The following ZNF235 variants were observed in gnomAD, a reference collection of about 807,000 sequenced individuals.
ZNF235 encodes the protein zinc finger protein 235.
Under a neutral mutation model 29.4 loss-of-function variants are expected in ZNF235, and 25 were observed. That is an observed-to-expected ratio of 0.85 (90% confidence interval 0.62 to 1.19). The LOEUF (loss-of-function observed/expected upper bound fraction) is 1.19. Ranked by LOEUF, ZNF235 falls within the 50% of genes most tolerant of loss-of-function variation. The pLI, the probability that ZNF235 is intolerant of heterozygous loss-of-function variation, is 0.00. For missense variants in ZNF235, 788 were observed against 885.0 expected (o/e 0.89, Z 1.39); for synonymous variants, 300 against 295.3 (o/e 1.02, Z -0.16).
At chr19:44,296,485 T>C (rs1975656082) in intron 4 of ZNF235, among the ~76,000 whole-genome samples, 1 of 152,208 alleles carries the variant, frequency 6.6e-6, no homozygotes, top group South Asian at 2.1e-4. Flanking sequence ...CTGAACTGAA[T>C]GGTGGGATTA....
In ZNF235 at chr19:44,287,634, A is replaced by G. The variant is rs1299751201; in HGVS notation, c.1801T>C (p.Cys601Arg). The change falls in exon 5 of 5, where the codon TGT (cysteine) becomes CGT (arginine). Residue 601 changes from cysteine to arginine, a missense_variant. Physicochemically the swap from Cys to Arg is radical, Grantham distance 180. Coordinates refer to ENST00000291182, the MANE Select transcript of ZNF235 (RefSeq NM_004234.4). Reference protein sequence around the residue: ...SVHTGEKPFKCDACQKRFSQA... With the variant: ...SVHTGEKPFKRDACQKRFSQA... ...CTGAATCGCTTCTGACATGCATCAC[A>G]CTTGAATGGTTTTTCCCCAGTGTGG... The G allele has an allele frequency of 1.2e-6, 2 of 1,613,910 alleles. No homozygotes were observed. The highest frequency in any genetic ancestry group is 1.3e-5 in the African/African-American group (1 of 74,988).
At chr19:44,297,579 T>G (rs1161713673) in intron 4 of ZNF235, among the ~76,000 whole-genome samples, 11 of 152,104 alleles carry the variant, frequency 7.2e-5, no homozygotes, top group Admixed American at 7.2e-4. Flanking sequence ...TTCTCCTGCC[T>G]CAGCCTCCCG....
chr19:44,299,850 G>T (rs1975709953), intron 2 of ZNF235, 118 bp from the exon 3 acceptor site: 2 of 1,526,348 alleles, frequency 1.3e-6, no homozygotes, highest in South Asian at 2.3e-5. Context: ...AAATGCTAGG[G>T]GGAAGAAGGA....
intron 2 of ZNF235, among the ~76,000 whole-genome samples, chr19:44,300,188 G>A (rs1568646565): frequency 6.6e-6 from 1 of 151,944 alleles, no homozygotes; most frequent in South Asian, 2.1e-4. Context: ...ACATTCCAAG[G>A]GTCTATCCAT....
chr19:44,303,510 CT>C, intron 1 of ZNF235, 58 bp from the exon 2 acceptor site: 1 of 1,480,578 alleles, frequency 6.8e-7, no homozygotes, highest in Non-Finnish European at 9.3e-7. Flanking sequence ...CACCATGGCA[CT>C]TTTATGTGAC....
Position 44,287,865 on chromosome 19 carries a change from A to T in ZNF235, c.1570T>A (p.Phe524Ile). The T allele has an allele frequency of 2.5e-6, 4 of 1,613,918 alleles. No individual in the cohort carries two copies. The highest frequency in any genetic ancestry group is 2.5e-6 in the Non-Finnish European group (3 of 1,179,962). Residue 524 changes from phenylalanine to isoleucine, a missense_variant, in exon 5 of 5, where the codon TTC (phenylalanine) becomes ATC (isoleucine). Coordinates refer to ENST00000291182, the MANE Select transcript of ZNF235 (RefSeq NM_004234.4). ...GCTTGAAAGTATGAACTCTGACTGA[A>T]GCCTTTCCCACACACGTTGCATCGA... ...PFRCNVCGKG[F>I]SQSSYFQAHQ...
At position 44,288,979 on chromosome 19, in the gene ZNF235, A is replaced by T; in HGVS notation, c.456T>A (p.Ser152=). 3 of 1,613,954 alleles carry T rather than the reference A, an allele frequency of 1.9e-6. No homozygotes were observed. Among genetic ancestry groups the T allele is most frequent in the Non-Finnish European group, 2.5e-6 (3 of 1,179,838 alleles). ...GATTCACTAGACAGTTGTCATCCAC[A>T]GAAGCTTGAATAGATTCTCCTGCTC... The part of the protein sequence containing the change: ...QVGAGESIQA[S]VDDNCLVNHI... Residue 152 remains serine (S), a synonymous_variant, in exon 5 of 5, where the codon TCT becomes TCA. Coordinates refer to ENST00000291182, the MANE Select transcript of ZNF235 (RefSeq NM_004234.4).
intron 1 of ZNF235, among the ~76,000 whole-genome samples, chr19:44,304,260 T>C (rs1975797934): frequency 6.6e-6 from 1 of 152,246 alleles, no homozygotes; most frequent in Non-Finnish European, 1.5e-5. Context: ...CACACGGGAT[T>C]ATTGGTTATA....
chr19:44,287,564 T>C lies in ZNF235; in HGVS notation c.1871A>G (p.Glu624Gly). 1.2e-6 allele frequency: 2 copies of C among 1,614,134 alleles called. No homozygotes were observed. The highest frequency in any genetic ancestry group is 1.7e-6 in the Non-Finnish European group (2 of 1,180,010). ...ACAAGTGTCACATTTATATGGTTTC[T>C]CTCCGGTGTGGACTCTCTGATGGGC... ...LQAHQRVHTG[E>G]KPYKCDTCGK... Residue 624 changes from glutamate to glycine, a missense_variant, in exon 5 of 5, where the codon GAG becomes GGG. Transcript: ENST00000291182.
At chr19:44,297,608 C>T (rs1975671279) in intron 4 of ZNF235, among the ~76,000 whole-genome samples, 1 of 152,044 alleles carries the variant, frequency 6.6e-6, no homozygotes. Context: ...GGATTACAGG[C>T]ATGTGCCACC....
chr19:44,287,167 C>T lies in ZNF235; in HGVS notation c.*51G>A, dbSNP rs370378759. The T allele has an allele frequency of 2.8e-5, 43 of 1,509,530 alleles. No homozygotes were observed. The highest frequency in any genetic ancestry group is 1.5e-4 in the South Asian group (11 of 72,766). 93.5% of individuals were successfully genotyped at this position (1,509,530 alleles called of 1,614,324 possible). A position where few individuals can be genotyped will look rare whatever the true frequency, so the allele number is the denominator to read the frequency against. On this transcript the variant is annotated 3_prime_UTR_variant, in exon 5 of 5. Transcript: ENST00000291182. ...ACAATCATCAGCATGGACTTCCCAACGGAGACAAAGATGTGAGCTCTAACT... is the reference window on the plus strand; with the variant it reads ...ACAATCATCAGCATGGACTTCCCAATGGAGACAAAGATGTGAGCTCTAACT...
intron 4 of ZNF235, 149 bp downstream of exon 4, chr19:44,298,659 G>A: frequency 1.7e-6 from 1 of 585,340 alleles, no homozygotes; most frequent in Non-Finnish European, 3.0e-6. Flanking sequence ...GCCTCCCAAA[G>A]TGCTGGGATT....
rs551239668 is a variant in ZNF235 at position 44,298,239 on chromosome 19, A to G, written c.238+569T>C. Among the ~76,000 whole-genome samples the G allele has an allele frequency of 1.5e-4, 23 of 152,322 alleles. No homozygotes were observed. The South Asian group carries it at 4.8e-3, about 32-fold the overall frequency. ...TGAGGAACAAGTGAGGGTGGCAGAGACAAAGGGAGGGGGAAAAACAGAATG... is the reference window on the plus strand; with the variant it reads ...TGAGGAACAAGTGAGGGTGGCAGAGGCAAAGGGAGGGGGAAAAACAGAATG... On this transcript the variant is annotated intron_variant, in intron 4 of 4. Coordinates refer to ENST00000291182, the MANE Select transcript of ZNF235 (RefSeq NM_004234.4).
In ZNF235 at chr19:44,288,005, T is replaced by C. The variant is rs886127861; in HGVS notation, c.1430A>G (p.His477Arg). The C allele has an allele frequency of 1.5e-5, 25 of 1,614,156 alleles. No homozygotes were observed. The highest frequency in any genetic ancestry group is 2.0e-5 in the Non-Finnish European group (24 of 1,180,016). The stretch of plus-strand genomic sequence containing the variant: ...TTTTTCTCCTGTGTGGACTCGTTGA[T>C]GACTATGAAGATTAAAGCTCAAACT... ...CFSLSFNLHSHQRVHTGEKPY... is the reference protein window; with the variant it reads ...CFSLSFNLHSRQRVHTGEKPY... Residue 477 changes from histidine to arginine, a missense_variant, in exon 5 of 5, where the codon CAT becomes CGT. By Grantham distance (29) the His-to-Arg change is conservative. Coordinates refer to ENST00000291182, the MANE Select transcript of ZNF235 (RefSeq NM_004234.4).
rs975357375 is a variant in ZNF235 at position 44,286,633 on chromosome 19, C to G, written c.*585G>C. Reference sequence around the variant, plus strand: ...TGGCAGTATTATATACTTTTCAGTACTTACTGAAACTAACGTTATTAAGGC... The same window carrying G: ...TGGCAGTATTATATACTTTTCAGTAGTTACTGAAACTAACGTTATTAAGGC... On this transcript the variant is annotated 3_prime_UTR_variant, in exon 5 of 5. Coordinates refer to ENST00000291182, the MANE Select transcript of ZNF235 (RefSeq NM_004234.4). 6.6e-6 allele frequency: 1 copy of G among 152,302 alleles called. No individual in the cohort carries two copies. The highest frequency in any genetic ancestry group is 2.4e-5 in the African/African-American group (1 of 41,438). The allele number at this position is 152,302 out of a possible 1,614,324, so 9.4% of individuals were successfully genotyped here. A position where few individuals can be genotyped will look rare whatever the true frequency, so the allele number is the denominator to read the frequency against.
intron 1 of ZNF235, among the ~76,000 whole-genome samples, chr19:44,303,722 A>G (rs552314906): frequency 1.3e-5 from 2 of 152,348 alleles, no homozygotes; most frequent in South Asian, 4.1e-4. Flanking sequence ...GAAATGAGAC[A>G]CAGACAGGCA....
In ZNF235 at chr19:44,287,947, A is replaced by C; in HGVS notation, c.1488T>G (p.Phe496Leu). ...GGCTCTGGAAACTTGAGGCTGAACT[A>C]AAACCCTTACCACACTCTTCACATT... The part of the protein sequence containing the change: ...PYKCEECGKG[F>L]SSASSFQSHQ... The change falls in exon 5 of 5, where the codon TTT becomes TTG. Residue 496 changes from phenylalanine (F) to leucine (L), a missense_variant. Transcript: ENST00000291182. The C allele has an allele frequency of 4.3e-6, 7 of 1,612,366 alleles. No individual in the cohort carries two copies. The highest frequency in any genetic ancestry group is 2.2e-5 in the East Asian group (1 of 44,752).
chr19:44,300,098 A>C (rs2123105186), intron 2 of ZNF235, among the ~76,000 whole-genome samples: 1 of 152,308 alleles, frequency 6.6e-6, no homozygotes. Flanking sequence ...GTTCTCAGGA[A>C]CATGCTGTCT....
At position 44,288,347 on chromosome 19, in the gene ZNF235, T is replaced by A; in HGVS notation, c.1088A>T (p.Tyr363Phe). 1 of 1,614,078 alleles carries A rather than the reference T, an allele frequency of 6.2e-7. No homozygotes were observed. ...TCCTGTGTGAATAGGCAAATGAGCA[T>A]AAAGATGTGAGCTCTGATTAAAGCT... ...GKSFNQSSHLYAHLPIHTGEK... is the reference protein window; with the variant it reads ...GKSFNQSSHLFAHLPIHTGEK... The change falls in exon 5 of 5, where the codon TAT (tyrosine) becomes TTT (phenylalanine). Residue 363 changes from tyrosine (Y) to phenylalanine (F), a missense_variant. By Grantham distance (22) the Tyr-to-Phe change is conservative (BLOSUM62 3). Coordinates refer to ENST00000291182, the MANE Select transcript of ZNF235 (RefSeq NM_004234.4).
Sources: allele counts gnomAD v4.1 joint callset (sites outside exome capture counted in the v4.1 genomes callset), GRCh38; gene constraint gnomAD v4.1.1; transcripts MANE v1.5; gene names NCBI Gene and HGNC (gene_info 2026-07-23, HGNC 2026-07-21).